SPOCK1: variants seen among roughly 807,000 people sequenced by gnomAD.
SPOCK1 encodes testican-1.
In SPOCK1, 23 loss-of-function variants were observed where a neutral mutation model predicts 55.3. That is an observed-to-expected ratio of 0.42 (90% CI 0.30 to 0.59). The LOEUF (loss-of-function observed/expected upper bound fraction) is 0.59. SPOCK1 is among the 20% of genes least tolerant of loss of function. The probability of loss-of-function intolerance (pLI) is 0.22; values close to 1 mark genes in which losing one functional copy is unlikely to be tolerated. For synonymous variants in SPOCK1, 226 were observed against 221.0 expected, an observed-to-expected ratio of 1.02 and a Z score of -0.20; for missense variants, 499 against 552.5, an observed-to-expected ratio of 0.90 and a Z score of 0.97.
intron 2 of SPOCK1, among the ~76,000 whole-genome samples, chr5:137,349,278 T>C (rs531207468): frequency 6.6e-6 from 1 of 152,336 alleles, no homozygotes; most frequent in Admixed American, 6.5e-5. Context: ...CAATTCTGCA[T>C]ATCCTCAGGG....
intron 3 of SPOCK1, among the ~76,000 whole-genome samples, chr5:137,180,894 G>T (rs1206391571): frequency 6.6e-6 from 1 of 152,146 alleles, no homozygotes; most frequent in Non-Finnish European, 1.5e-5. Context: ...GAAATGATGG[G>T]TGATAAGTGG....
chr5:137,494,533 C>T (rs1420139748), intron 2 of SPOCK1, among the ~76,000 whole-genome samples: 4 of 152,146 alleles, frequency 2.6e-5, no homozygotes, highest in African/African-American at 7.2e-5. Context: ...TGGAAAGTAC[C>T]TTAAACAGTG....
chr5:136,997,027 A>G (rs1163492202), intron 6 of SPOCK1, among the ~76,000 whole-genome samples: 6 of 152,178 alleles, frequency 3.9e-5, no homozygotes, highest in Non-Finnish European at 8.8e-5. Context: ...CAGTGAGACC[A>G]TGAGCCCACT....
chr5:137,487,530 C>T (rs1754085373), intron 2 of SPOCK1, among the ~76,000 whole-genome samples: 1 of 152,070 alleles, frequency 6.6e-6, no homozygotes, highest in South Asian at 2.1e-4. Flanking sequence ...TGTTCCATAC[C>T]CTTAACACCA....
At chr5:137,391,569 G>A (rs1162623855) in intron 2 of SPOCK1, among the ~76,000 whole-genome samples, 5 of 152,046 alleles carry the variant, frequency 3.3e-5, no homozygotes, top group Non-Finnish European at 7.4e-5. Context: ...CAGCAATGGT[G>A]ACTACCCCAT....
chr5:137,044,249 T>G lies in SPOCK1; in HGVS notation c.589+23466A>C, dbSNP rs569950759. On this transcript the variant is annotated intron_variant, in intron 6 of 10. Coordinates refer to ENST00000394945, the MANE Select transcript of SPOCK1 (RefSeq NM_004598.4). ...CCAGACCAATCTTAGAAGGATGGTGTGTGCAAAGGCCTTCACAGCCTTGAT... is the reference window on the plus strand; with the variant it reads ...CCAGACCAATCTTAGAAGGATGGTGGGTGCAAAGGCCTTCACAGCCTTGAT... Among the ~76,000 whole-genome samples the G allele has an allele frequency of 5.3e-5, 8 of 152,298 alleles. No individual in the cohort carries two copies. The South Asian group carries it at 1.7e-3, about 32-fold the overall frequency.
At chr5:137,490,012 G>C (rs1030843516) in intron 2 of SPOCK1, among the ~76,000 whole-genome samples, 3 of 152,134 alleles carry the variant, frequency 2.0e-5, no homozygotes, top group Admixed American at 6.5e-5. Context: ...TGATTATTCC[G>C]TGATTGTTTG....
chr5:137,216,683 CCT>C (rs1360394531), intron 3 of SPOCK1, among the ~76,000 whole-genome samples: 2 of 151,910 alleles, frequency 1.3e-5, no homozygotes, highest in Non-Finnish European at 1.5e-5. Flanking sequence ...TGCACTGCAG[CCT>C]GGGTGATAGA....
chr5:137,449,719 T>C (rs983556247), intron 2 of SPOCK1, among the ~76,000 whole-genome samples: 2 of 149,102 alleles, frequency 1.3e-5, no homozygotes, highest in East Asian at 2.0e-4. Context: ...TGGAACCCCA[T>C]CTCTATGAAA....
At chr5:137,036,667 T>G (rs984494412) in intron 6 of SPOCK1, among the ~76,000 whole-genome samples, 2 of 152,190 alleles carry the variant, frequency 1.3e-5, no homozygotes, top group African/African-American at 4.8e-5. Context: ...GCCCAGGCAC[T>G]GAGGCAGTCA....
intron 2 of SPOCK1, among the ~76,000 whole-genome samples, chr5:137,488,202 C>T (rs538837662): frequency 3.3e-5 from 5 of 152,174 alleles, no homozygotes; most frequent in South Asian, 4.2e-4. Context: ...TGCGGCGAAA[C>T]CCCATCTCTA....
intron 2 of SPOCK1, among the ~76,000 whole-genome samples, chr5:137,468,907 C>T (rs527765149): frequency 6.6e-6 from 1 of 152,332 alleles, no homozygotes; most frequent in Admixed American, 6.5e-5. Flanking sequence ...ACTGTCCCCT[C>T]ACCCACCTCA....
chr5:137,492,416 G>C (rs1754203227), intron 2 of SPOCK1, among the ~76,000 whole-genome samples: 2 of 152,208 alleles, frequency 1.3e-5, no homozygotes, highest in Admixed American at 1.3e-4. Context: ...ATAGGAGCAG[G>C]GAGACAGAAT....
chr5:137,200,558 G>A (rs1351980820), intron 3 of SPOCK1, among the ~76,000 whole-genome samples: 11 of 152,140 alleles, frequency 7.2e-5, no homozygotes, highest in Non-Finnish European at 1.2e-4. Flanking sequence ...ACAGTGTTTG[G>A]CACATAATAG....
At chr5:137,245,776 C>CAAAAAAAAAAAAAAAAAA (rs143599362) in intron 3 of SPOCK1, among the ~76,000 whole-genome samples, 1 of 140,870 alleles carries the variant, frequency 7.1e-6, no homozygotes. Flanking sequence ...CAAAACAAAA[C>CAAAAAAAAAAAAAAAAAA]AAAAAAAAAA....
intron 6 of SPOCK1, among the ~76,000 whole-genome samples, chr5:137,055,339 AC>A (rs1752280079): frequency 6.6e-6 from 1 of 152,046 alleles, no homozygotes; most frequent in African/African-American, 2.4e-5. Flanking sequence ...TTACCAACAG[AC>A]CCAGTCACTG....
At chr5:136,993,889 C>A (rs1215816984) in intron 6 of SPOCK1, among the ~76,000 whole-genome samples, 1 of 152,196 alleles carries the variant, frequency 6.6e-6, no homozygotes, top group Non-Finnish European at 1.5e-5. Flanking sequence ...GATCAGCCCC[C>A]ATCGGCCTGC....
intron 5 of SPOCK1, among the ~76,000 whole-genome samples, chr5:137,087,949 C>A: frequency 6.6e-6 from 1 of 152,196 alleles, no homozygotes; most frequent in East Asian, 1.9e-4. Context: ...TTTCTCTAAG[C>A]CTGTTGGTGC....
chr5:137,027,114 C>T (rs969463998), intron 6 of SPOCK1, among the ~76,000 whole-genome samples: 1 of 152,178 alleles, frequency 6.6e-6, no homozygotes, highest in Non-Finnish European at 1.5e-5. Flanking sequence ...ACCTAGAGGA[C>T]AAACATCACC....
Sources: allele counts gnomAD v4.1 joint callset (sites outside exome capture counted in the v4.1 genomes callset), GRCh38; gene constraint gnomAD v4.1.1; transcripts MANE v1.5; gene names NCBI Gene and HGNC (gene_info 2026-07-23, HGNC 2026-07-21).